FMN2: variants seen among roughly 807,000 people sequenced by gnomAD.
The protein encoded by FMN2 is formin-2.
In FMN2, 51 loss-of-function variants were observed where a neutral mutation model predicts 142.3. The observed-to-expected ratio is 0.36, with a 90% CI of 0.29 to 0.45. FMN2 has a LOEUF of 0.45. Among genes scored for constraint, FMN2 ranks in the 20% least tolerant of loss-of-function variants. The pLI, the probability that FMN2 is intolerant of heterozygous loss-of-function variation, is 1.00. For synonymous variants in FMN2, 882 were observed against 869.8 expected (o/e 1.01, Z -0.25); for missense variants, 1,936 against 2,122.8 (o/e 0.91, Z 1.73).
intron 14 of FMN2, among the ~76,000 whole-genome samples, chr1:240,375,601 T>G (rs1673015376): frequency 6.6e-6 from 1 of 152,192 alleles, no homozygotes; most frequent in South Asian, 2.1e-4. Context: ...ACTTTCCTAT[T>G]CCCATCCATT....
intron 14 of FMN2, among the ~76,000 whole-genome samples, chr1:240,370,407 C>G (rs142823950): frequency 6.6e-6 from 1 of 151,904 alleles, no homozygotes. Context: ...AAAAATGCAC[C>G]CAAACTTACT....
intron 15 of FMN2, among the ~76,000 whole-genome samples, chr1:240,431,959 C>T (rs1675194468): frequency 1.3e-5 from 2 of 150,886 alleles, no homozygotes; most frequent in African/African-American, 2.4e-5. Context: ...TTTAGTTTTC[C>T]ATATCAACAT....
chr1:240,268,796 A>G (rs562229326), intron 7 of FMN2, among the ~76,000 whole-genome samples: 1 of 152,142 alleles, frequency 6.6e-6, no homozygotes, highest in South Asian at 2.1e-4. Flanking sequence ...TTCTCTGATT[A>G]GTGATGTAGA....
intron 2 of FMN2, among the ~76,000 whole-genome samples, chr1:240,161,133 C>G (rs1166751047): frequency 2.6e-5 from 4 of 152,016 alleles, no homozygotes; most frequent in Admixed American, 2.6e-4. Context: ...TATTTCATTT[C>G]TCTCCAAACT....
intron 1 of FMN2, among the ~76,000 whole-genome samples, chr1:240,120,522 A>C (rs1157188619): frequency 6.6e-6 from 1 of 152,184 alleles, no homozygotes; most frequent in African/African-American, 2.4e-5. Flanking sequence ...GAAATCCTGA[A>C]AATATTTATT....
At chr1:240,248,436 T>G (rs1458370596) in intron 6 of FMN2, among the ~76,000 whole-genome samples, 1 of 14,904 alleles carries the variant, frequency 6.7e-5, no homozygotes, top group African/African-American at 7.2e-4. Context: ...TGATTGGATA[T>G]ATATATATAT....
chr1:240,420,486 G>C (rs912243338), intron 15 of FMN2, among the ~76,000 whole-genome samples: 1 of 152,160 alleles, frequency 6.6e-6, no homozygotes, highest in African/African-American at 2.4e-5. Flanking sequence ...TTCCCTAGCT[G>C]GGTCTTCCAG....
chr1:240,361,141 G>GTGTATATATA (rs1482884783), intron 14 of FMN2, among the ~76,000 whole-genome samples: 7 of 43,266 alleles, frequency 1.6e-4, no homozygotes, highest in Admixed American at 3.1e-4. Flanking sequence ...AAATATATGT[G>GTGTATATATA]TATATATATA....
intron 10 of FMN2, 28 bp downstream of exon 10, chr1:240,329,496 C>T (rs925842323): frequency 6.2e-7 from 1 of 1,606,360 alleles, no homozygotes; most frequent in Non-Finnish European, 8.5e-7. Context: ...GAGAGCTGAA[C>T]TTGAGTCTCA....
At chr1:240,360,650 A>T (rs76558820) in intron 14 of FMN2, among the ~76,000 whole-genome samples, 7,030 of 152,236 alleles carry the variant, frequency 0.046, 576 homozygotes, top group African/African-American at 0.16. Context: ...TAGAGGAATG[A>T]TTGGGGGGTG....
At chr1:240,373,039 G>C (rs1033708102) in intron 14 of FMN2, among the ~76,000 whole-genome samples, 1 of 151,956 alleles carries the variant, frequency 6.6e-6, no homozygotes, top group African/African-American at 2.4e-5. Flanking sequence ...ACAAAAAGTA[G>C]CGCGCGTGGT....
At chr1:240,265,265 C>G (rs966010099) in intron 7 of FMN2, among the ~76,000 whole-genome samples, 12 of 152,050 alleles carry the variant, frequency 7.9e-5, no homozygotes, top group African/African-American at 2.9e-4. Flanking sequence ...TTTTTCACAT[C>G]TGTGAATTAA....
chr1:240,123,505 C>CAAAAAAAAAA (rs71168901), intron 2 of FMN2, among the ~76,000 whole-genome samples, 160 bp downstream of exon 2: 2 of 107,768 alleles, frequency 1.9e-5, no homozygotes, highest in Non-Finnish European at 3.8e-5. Flanking sequence ...TGTTTGTACA[C>CAAAAAAAAAA]AAAAAAAAAA....
At chr1:240,149,170 A>G (rs1007552213) in intron 2 of FMN2, among the ~76,000 whole-genome samples, 1 of 152,202 alleles carries the variant, frequency 6.6e-6, no homozygotes, top group African/African-American at 2.4e-5. Flanking sequence ...CCATTTTTGT[A>G]CTTATCAAAG....
rs115147097 is a variant in FMN2 at position 240,268,556 on chromosome 1, G to A, written c.4153+10524G>A. On this transcript the variant is annotated intron_variant, in intron 7 of 17. Transcript: ENST00000319653. ...CTGTAAAGCATGTGAAGGTAGTGGG[G>A]GAAGAAGTTTAGCTTTGTTGGGGAA... Among the ~76,000 whole-genome samples the A allele has an allele frequency of 3.5e-3, 525 of 152,116 alleles. 7 individuals are homozygous for A. Among genetic ancestry groups the A allele is most frequent in the African/African-American group, 0.012 (507 of 41,524 alleles).
chr1:240,279,003 G>A (rs1669309391), intron 7 of FMN2, among the ~76,000 whole-genome samples: 2 of 152,172 alleles, frequency 1.3e-5, no homozygotes, highest in African/African-American at 4.8e-5. Flanking sequence ...TATTCATAGA[G>A]CAACCTGAGC....
chr1:240,174,767 C>T (rs1333452938), intron 2 of FMN2, among the ~76,000 whole-genome samples: 1 of 152,142 alleles, frequency 6.6e-6, no homozygotes, highest in Non-Finnish European at 1.5e-5. Context: ...TGCATCTTAG[C>T]TATCCCCAAC....
At chr1:240,137,900 G>T (rs946853857) in intron 2 of FMN2, among the ~76,000 whole-genome samples, 1 of 151,834 alleles carries the variant, frequency 6.6e-6, no homozygotes, top group African/African-American at 2.4e-5. Context: ...GACCAGCCTG[G>T]CCAACATGGT....
intron 15 of FMN2, among the ~76,000 whole-genome samples, chr1:240,406,782 C>T (rs1445772268): frequency 6.6e-6 from 1 of 152,038 alleles, no homozygotes; most frequent in African/African-American, 2.4e-5. Flanking sequence ...TCCCCCAGCC[C>T]GGTCTATAGT....
Sources: allele counts gnomAD v4.1 joint callset (sites outside exome capture counted in the v4.1 genomes callset), GRCh38; gene constraint gnomAD v4.1.1; transcripts MANE v1.5; gene names NCBI Gene and HGNC (gene_info 2026-07-23, HGNC 2026-07-21).